GRIA1: variants seen among roughly 807,000 people sequenced by gnomAD.
GRIA1 encodes the protein glutamate ionotropic receptor AMPA type subunit 1, also known as glutamate receptor 1.
Under a neutral mutation model 99.2 loss-of-function variants are expected in GRIA1, and 31 were observed. That is an observed-to-expected ratio of 0.31 (90% CI 0.23 to 0.42). The LOEUF (loss-of-function observed/expected upper bound fraction) is 0.42. Among genes scored for constraint, GRIA1 ranks in the 10% least tolerant of loss-of-function variants. The pLI, the probability that GRIA1 is intolerant of heterozygous loss-of-function variation, is 1.00. For missense variants in GRIA1, 782 were observed against 1,157.5 expected (o/e 0.68, Z 4.71); for synonymous variants, 438 against 432.4 (o/e 1.01, Z -0.16).
rs147825572 is a variant in GRIA1, at chr5:153,699,846, G to A, written c.1452+773G>A. On this transcript the variant is annotated intron_variant, in intron 10 of 15. Coordinates refer to ENST00000285900, the MANE Select transcript of GRIA1 (RefSeq NM_000827.4). ...CAGCAGTTTTGAAAAGCTGCTGAATGTCCCACATTGTTTTAAGCATTTGGG... is the reference window on the plus strand; with the variant it reads ...CAGCAGTTTTGAAAAGCTGCTGAATATCCCACATTGTTTTAAGCATTTGGG... Among the ~76,000 whole-genome samples, 87 of 152,260 alleles carry A rather than the reference G, an allele frequency of 5.7e-4. 1 individual carries two copies. In the Middle Eastern group the frequency reaches 0.02, roughly 36 times the overall value.
chr5:153,652,923 A>T (rs893336290), intron 4 of GRIA1, among the ~76,000 whole-genome samples: 1 of 152,168 alleles, frequency 6.6e-6, no homozygotes, highest in Admixed American at 6.5e-5. Context: ...CTGGGAACGT[A>T]CCTGGGATAC....
intron 2 of GRIA1, among the ~76,000 whole-genome samples, chr5:153,567,425 T>G (rs1761735083): frequency 6.6e-6 from 1 of 152,176 alleles, no homozygotes; most frequent in Non-Finnish European, 1.5e-5. Context: ...ACTGTTGGCA[T>G]TTGGGGCCAG....
chr5:153,505,573 A>G (rs1395537733), intron 2 of GRIA1, among the ~76,000 whole-genome samples: 2 of 152,202 alleles, frequency 1.3e-5, no homozygotes, highest in Non-Finnish European at 2.9e-5. Context: ...ATCCCAGCTG[A>G]CCTGAAAATC....
In GRIA1 at chr5:153,599,557, T is replaced by C. The variant is rs549561338; in HGVS notation, c.221-47371T>C. On this transcript the variant is annotated intron_variant, in intron 2 of 15. Coordinates refer to ENST00000285900, the MANE Select transcript of GRIA1 (RefSeq NM_000827.4). ...TAAATCATCTCTATATTACTTATAA[T>C]ACCTAATACAATGTAAATACTATGT... is the stretch of plus-strand genomic sequence containing the variant. Among the ~76,000 whole-genome samples the C allele has an allele frequency of 3.9e-5, 6 of 152,362 alleles. No individual in the cohort carries two copies. In the East Asian group the frequency reaches 1.2e-3, roughly 29 times the overall value.
chr5:153,709,395 A>C (rs576089588), intron 11 of GRIA1, among the ~76,000 whole-genome samples: 1 of 152,348 alleles, frequency 6.6e-6, no homozygotes, highest in African/African-American at 2.4e-5. Flanking sequence ...ATCTGCACTT[A>C]TCCACAAGTA....
intron 11 of GRIA1, among the ~76,000 whole-genome samples, chr5:153,738,786 G>A (rs1442591843): frequency 7.4e-6 from 1 of 134,618 alleles, no homozygotes; most frequent in Non-Finnish European, 1.5e-5. Context: ...GCAATGGTGC[G>A]ATCTCGGCTC....
chr5:153,782,201 T>A (rs1397705621), intron 13 of GRIA1, among the ~76,000 whole-genome samples: 1 of 152,256 alleles, frequency 6.6e-6, no homozygotes, highest in African/African-American at 2.4e-5. Context: ...AATCTCATTT[T>A]ACAGATAATG....
Position 153,677,047 on chromosome 5 carries a change from G to A in GRIA1, c.915G>A (p.Gln305=), listed in dbSNP as rs774966581. ...TGAAGGTGATGGCTGAGGCTTTCCA[G>A]AGCCTGCGGAGGCAGAGAATTGATA... ...DGVKVMAEAF[Q]SLRRQRIDIS... The change falls in exon 7 of 16, where the codon CAG becomes CAA. Residue 305 remains glutamine (Q), a synonymous_variant. Coordinates refer to ENST00000285900, the MANE Select transcript of GRIA1 (RefSeq NM_000827.4). The A allele has an allele frequency of 5.7e-6, 9 of 1,574,564 alleles. No individual in the cohort carries two copies. The South Asian group carries it at 9.4e-5, about 16-fold the overall frequency.
chr5:153,641,464 G>A (rs949153586), intron 2 of GRIA1, among the ~76,000 whole-genome samples: 1 of 152,176 alleles, frequency 6.6e-6, no homozygotes, highest in African/African-American at 2.4e-5. Context: ...GCCATGCAGT[G>A]TGTGGGTTTT....
At chr5:153,753,064 G>T (rs909295117) in intron 11 of GRIA1, among the ~76,000 whole-genome samples, 2 of 152,202 alleles carry the variant, frequency 1.3e-5, no homozygotes, top group Non-Finnish European at 2.9e-5. Context: ...ACAAGGAGAT[G>T]AATTCTGCCA....
At chr5:153,591,783 T>C (rs527445715) in intron 2 of GRIA1, among the ~76,000 whole-genome samples, 23 of 152,316 alleles carry the variant, frequency 1.5e-4, no homozygotes, top group Non-Finnish European at 2.8e-4. Flanking sequence ...GCAGCAAGAA[T>C]GCCACACAAG....
intron 12 of GRIA1, among the ~76,000 whole-genome samples, chr5:153,767,327 C>A (rs948992047): frequency 6.6e-6 from 1 of 152,132 alleles, no homozygotes; most frequent in Non-Finnish European, 1.5e-5. Flanking sequence ...GCTACTTGCC[C>A]AACGTCTTTC....
At chr5:153,507,950 A>G (rs1196413375) in intron 2 of GRIA1, among the ~76,000 whole-genome samples, 1 of 152,194 alleles carries the variant, frequency 6.6e-6, no homozygotes, top group Non-Finnish European at 1.5e-5. Flanking sequence ...TACTGATTCC[A>G]TCTGAAATAG....
At chr5:153,609,730 T>G (rs1765807656) in intron 2 of GRIA1, among the ~76,000 whole-genome samples, 1 of 151,836 alleles carries the variant, frequency 6.6e-6, no homozygotes, top group African/African-American at 2.4e-5. Context: ...ACCCAGCTAA[T>G]TTTTGTATTT....
chr5:153,666,419 G>T (rs1406507814), intron 5 of GRIA1, among the ~76,000 whole-genome samples: 1 of 152,174 alleles, frequency 6.6e-6, no homozygotes, highest in African/African-American at 2.4e-5. Flanking sequence ...CATTAAAGGA[G>T]CTAAGGGAAA....
At chr5:153,590,767 G>GTAAACCTGCATTTGTTAGTTTT (rs1763904318) in intron 2 of GRIA1, among the ~76,000 whole-genome samples, 1 of 152,144 alleles carries the variant, frequency 6.6e-6, no homozygotes, top group Non-Finnish European at 1.5e-5. Flanking sequence ...CATAAAAGCA[G>GTAAACCTGCATTTGTTAGTTTT]TAAACCTGCA....
At chr5:153,647,544 T>C (rs958555783) in intron 3 of GRIA1, among the ~76,000 whole-genome samples, 3 of 152,198 alleles carry the variant, frequency 2.0e-5, no homozygotes, top group African/African-American at 7.2e-5. Flanking sequence ...ACTTATATAA[T>C]GGGGATAAAA....
Position 153,698,908 on chromosome 5 carries a change from T to G in GRIA1, c.1287T>G (p.Phe429Leu). The change falls in exon 10 of 16, where the codon TTT becomes TTG. Residue 429 changes from phenylalanine to leucine, a missense_variant. Physicochemically the swap from Phe to Leu is conservative, Grantham distance 22 (BLOSUM62 0). Around this residue, in one of 5 missense-constraint regions of GRIA1, gnomAD observed 87 missense variants for 184.5 expected, o/e 0.47. Coordinates refer to ENST00000285900, the MANE Select transcript of GRIA1 (RefSeq NM_000827.4). ...YVMLKKNANQFEGNDRYEGYC... is the reference protein window; with the variant it reads ...YVMLKKNANQLEGNDRYEGYC... ...TGCTCAAGAAGAACGCCAATCAGTT[T>G]GAGGGCAATGACCGTTACGAGGGCT... 1 of 1,613,882 alleles carries G rather than the reference T, an allele frequency of 6.2e-7. No homozygotes were observed.
intron 11 of GRIA1, among the ~76,000 whole-genome samples, chr5:153,742,032 C>T (rs1230387387): frequency 2.6e-5 from 4 of 151,524 alleles, no homozygotes; most frequent in African/African-American, 9.7e-5. Flanking sequence ...TAGCATATCA[C>T]AGCATACAGA....
Sources: gnomAD v4.1 joint callset for allele counts (sites outside exome capture counted in the v4.1 genomes callset) on GRCh38, gnomAD v4.1.1 for gene constraint, gnomAD v4.1.1 regional missense constraint, MANE v1.5 for transcripts, NCBI Gene and HGNC (gene_info 2026-07-23, HGNC 2026-07-21) for gene names.